The following GPM6A variants were observed in gnomAD, a reference collection of about 807,000 sequenced individuals.
The protein encoded by GPM6A is neuronal membrane glycoprotein M6-a.
In GPM6A, 7 loss-of-function variants were observed where a neutral mutation model predicts 32.1. That is an observed-to-expected ratio of 0.22 (90% CI 0.12 to 0.41). The LOEUF (loss-of-function observed/expected upper bound fraction) is 0.41. Ranked by LOEUF, GPM6A falls within the 10% of genes least tolerant of loss-of-function variation. The pLI, the probability that GPM6A is intolerant of heterozygous loss-of-function variation, is 1.00. For synonymous variants in GPM6A, 130 were observed against 123.4 expected, an observed-to-expected ratio of 1.05 and a Z score of -0.35; for missense variants, 235 against 347.2, an observed-to-expected ratio of 0.68 and a Z score of 2.57.
At chr4:175,817,874 G>T (rs1735156933) in intron 1 of GPM6A, among the ~76,000 whole-genome samples, 1 of 152,254 alleles carries the variant, frequency 6.6e-6, no homozygotes, top group African/African-American at 2.4e-5. Flanking sequence ...TTGCTCCTTA[G>T]CTTTTTTAGA....
At chr4:176,001,966 T>C (rs1246994660) in intron 1 of GPM6A, among the ~76,000 whole-genome samples, 2 of 152,160 alleles carry the variant, frequency 1.3e-5, no homozygotes, top group Non-Finnish European at 2.9e-5. Context: ...TCTTTCTTTA[T>C]TTCCCAAATA....
At chr4:175,737,072 CTAGAT>C (rs1731690915) in intron 1 of GPM6A, among the ~76,000 whole-genome samples, 1 of 152,152 alleles carries the variant, frequency 6.6e-6, no homozygotes, top group South Asian at 2.1e-4. Flanking sequence ...TTAAAGAACT[CTAGAT>C]TAGTCATGTC....
chr4:175,796,713 T>A (rs1734244827), intron 1 of GPM6A, among the ~76,000 whole-genome samples: 1 of 152,192 alleles, frequency 6.6e-6, no homozygotes. Flanking sequence ...GATATTTACA[T>A]CTGGGAATTC....
intron 1 of GPM6A, among the ~76,000 whole-genome samples, chr4:175,967,344 A>T (rs1448077828): frequency 6.6e-6 from 1 of 152,168 alleles, no homozygotes; most frequent in Non-Finnish European, 1.5e-5. Flanking sequence ...ACTTAATGAC[A>T]ATTAACTAGA....
At chr4:175,886,750 CACACACAA>C (rs1467984290) in intron 1 of GPM6A, among the ~76,000 whole-genome samples, 30 of 151,374 alleles carry the variant, frequency 2.0e-4, no homozygotes, top group African/African-American at 7.3e-4. Flanking sequence ...CACACACACA[CACACACAA>C]ACACACACCA....
At chr4:175,765,992 G>T (rs1045210261) in intron 1 of GPM6A, among the ~76,000 whole-genome samples, 1 of 152,112 alleles carries the variant, frequency 6.6e-6, no homozygotes, top group Admixed American at 6.5e-5. Context: ...ACAAATCAGG[G>T]TGCCCCAACA....
chr4:175,892,137 A>T (rs1202121793), intron 1 of GPM6A, among the ~76,000 whole-genome samples: 1 of 152,216 alleles, frequency 6.6e-6, no homozygotes, highest in Admixed American at 6.5e-5. Flanking sequence ...TACATTCTCA[A>T]GAACAAAATT....
rs115222988 is a variant in GPM6A, at chr4:175,885,074, C to T, written c.-22-72825G>A. On this transcript the variant is annotated intron_variant, in intron 1 of 7. Transcript: ENST00000280187. ...CTTTCAGAATGTACATATGTATGTGCATCAAAAGTGTTCAAAGTAGCACTC... is the reference window on the plus strand; with the variant it reads ...CTTTCAGAATGTACATATGTATGTGTATCAAAAGTGTTCAAAGTAGCACTC... 1.5e-3 allele frequency among the ~76,000 whole-genome samples: 235 copies of T among 152,216 alleles called. 1 individual carries two copies. Among genetic ancestry groups the T allele is most frequent in the African/African-American group, 5.5e-3 (228 of 41,530 alleles).
At chr4:175,801,765 C>T (rs1295971977) in intron 1 of GPM6A, among the ~76,000 whole-genome samples, 1 of 151,992 alleles carries the variant, frequency 6.6e-6, no homozygotes, top group Admixed American at 6.5e-5. Flanking sequence ...TGCATTACTG[C>T]AGAATTTAAA....
intron 1 of GPM6A, among the ~76,000 whole-genome samples, chr4:175,844,370 A>T (rs1736027510): frequency 6.6e-6 from 1 of 152,194 alleles, no homozygotes; most frequent in Non-Finnish European, 1.5e-5. Flanking sequence ...CACAAGACTG[A>T]ATTATCTCAA....
At chr4:175,786,792 A>T (rs1159001704) in intron 1 of GPM6A, 5 of 153,558 alleles carry the variant, frequency 3.3e-5, no homozygotes, top group African/African-American at 1.2e-4. Flanking sequence ...TCCATTCTGC[A>T]CAAAACCTCC....
intron 1 of GPM6A, among the ~76,000 whole-genome samples, chr4:175,777,057 C>T (rs1392854315): frequency 6.6e-6 from 1 of 152,050 alleles, no homozygotes; most frequent in East Asian, 1.9e-4. Context: ...AATTTTAGAC[C>T]ATTGAAATAA....
intron 2 of GPM6A, among the ~76,000 whole-genome samples, chr4:175,692,984 C>A (rs561414894): frequency 2.6e-5 from 4 of 152,150 alleles, no homozygotes; most frequent in African/African-American, 7.2e-5. Context: ...ATTACCGCAG[C>A]TTCTCAATTC....
chr4:175,642,127 A>T (rs1741183073), intron 4 of GPM6A: 1 of 152,166 alleles, frequency 6.6e-6, no homozygotes, highest in Non-Finnish European at 1.5e-5. Context: ...TTCAGTGTGA[A>T]AAATCTATTT....
chr4:175,985,697 G>A (rs2126450816), intron 1 of GPM6A, among the ~76,000 whole-genome samples: 1 of 152,166 alleles, frequency 6.6e-6, no homozygotes, highest in South Asian at 2.1e-4. Flanking sequence ...TACAGTTTTT[G>A]CAGGATTTCC....
At chr4:175,691,152 C>A (rs17061782) in intron 2 of GPM6A, among the ~76,000 whole-genome samples, 1 of 152,110 alleles carries the variant, frequency 6.6e-6, no homozygotes, top group Non-Finnish European at 1.5e-5. Flanking sequence ...TACTTATCTA[C>A]GTGAGGATGA....
chr4:175,636,712 A>G (rs1740637945), intron 6 of GPM6A, among the ~76,000 whole-genome samples: 1 of 150,678 alleles, frequency 6.6e-6, no homozygotes, highest in Non-Finnish European at 1.5e-5. Flanking sequence ...AGGAGAATGG[A>G]TTGAACCTGG....
chr4:175,924,839 C>CAAA (rs1190915755), intron 1 of GPM6A, among the ~76,000 whole-genome samples: 8 of 61,976 alleles, frequency 1.3e-4, no homozygotes, highest in South Asian at 6.3e-4. Context: ...AAATCTGTCT[C>CAAA]AAAAAAAAAA....
chr4:175,998,131 G>A (rs1168357849), intron 1 of GPM6A, among the ~76,000 whole-genome samples: 3 of 151,416 alleles, frequency 2.0e-5, no homozygotes, highest in Non-Finnish European at 2.9e-5. Flanking sequence ...TTTGTGTTTA[G>A]ATGTCTTGCT....
Sources: allele counts gnomAD v4.1 joint callset (sites outside exome capture counted in the v4.1 genomes callset), GRCh38; gene constraint gnomAD v4.1.1; transcripts MANE v1.5; gene names NCBI Gene and HGNC (gene_info 2026-07-23, HGNC 2026-07-21).